REEP5: variants seen among roughly 807,000 people sequenced by gnomAD.
REEP5 encodes the protein receptor accessory protein 5.
A neutral mutation model predicts 22.4 loss-of-function variants in REEP5; 24 were observed. The observed-to-expected ratio is 1.07, with a 90% CI of 0.78 to 1.51. REEP5 has a LOEUF of 1.51. REEP5 is among the 40% of genes most tolerant of loss of function. The pLI is 0.00. For synonymous variants in REEP5, 103 were observed against 88.6 expected, an observed-to-expected ratio of 1.16 and a Z score of -0.92; for missense variants, 252 against 233.0, an observed-to-expected ratio of 1.08 and a Z score of -0.53.
At chr5:112,882,321 T>C (rs1205648156) in intron 4 of REEP5, among the ~76,000 whole-genome samples, 3 of 152,132 alleles carry the variant, frequency 2.0e-5, no homozygotes, top group East Asian at 1.9e-4. Context: ...TTTTTGCTCA[T>C]TGTAGATGAT....
chr5:112,921,326 C>A (rs73223930), intron 1 of REEP5, 70 bp from the exon 2 acceptor site: 1 of 1,422,850 alleles, frequency 7.0e-7, no homozygotes, highest in Non-Finnish European at 9.9e-7. Flanking sequence ...CCGCCGCCCA[C>A]ACCGCGAGGC....
intron 3 of REEP5, chr5:112,894,450 T>C (rs1768616337): frequency 6.6e-6 from 1 of 152,196 alleles, no homozygotes; most frequent in Non-Finnish European, 1.5e-5. Flanking sequence ...ATTCATACAA[T>C]GTTTTACTGT....
rs1393240908 is a variant in REEP5 at position 112,876,868 on chromosome 5, A to G, written c.*1918T>C. On this transcript the variant is annotated 3_prime_UTR_variant, in exon 5 of 5. Coordinates refer to ENST00000379638, the MANE Select transcript of REEP5 (RefSeq NM_005669.5). ...TCAGAATTTAATATAGTATTTTAAA[A>G]CTAATTTTAGCCTGTAAGTCATTAT... is the stretch of plus-strand genomic sequence containing the variant. 6.6e-6 allele frequency: 1 copy of G among 152,158 alleles called. No individual in the cohort carries two copies. Among genetic ancestry groups the G allele is most frequent in the Non-Finnish European group, 1.5e-5 (1 of 68,026 alleles). The allele number at this position is 152,158 out of a possible 1,614,324, so 9.4% of individuals were successfully genotyped here. A position where few individuals can be genotyped will look rare whatever the true frequency, so the allele number is the denominator to read the frequency against.
chr5:112,885,336 C>A, intron 4 of REEP5: 1 of 177,586 alleles, frequency 5.6e-6, no homozygotes, highest in Non-Finnish European at 1.2e-5. Context: ...TAGAACAGAA[C>A]CAAAAACTTT....
chr5:112,909,065 C>A (rs749996343), intron 2 of REEP5, among the ~76,000 whole-genome samples: 1 of 151,736 alleles, frequency 6.6e-6, no homozygotes, highest in Non-Finnish European at 1.5e-5. Context: ...ACTGATTACA[C>A]TGAACTATGG....
At position 112,877,229 on chromosome 5, in the gene REEP5, TTAATA is replaced by T. The variant is rs1767924816; in HGVS notation, c.*1552_*1556del. ...ATACTGTCACTTAGTATTGATATCTTTAATATTTTTTACATCATGAGACATTGTTA... is the reference window on the plus strand; with the variant it reads ...ATACTGTCACTTAGTATTGATATCTTTTTTTTACATCATGAGACATTGTTA... On this transcript the variant is annotated 3_prime_UTR_variant, in exon 5 of 5. Transcript: ENST00000379638. The T allele has an allele frequency of 6.6e-6, 1 of 152,188 alleles. No individual in the cohort carries two copies. The allele number at this position is 152,188 out of a possible 1,614,324, so 9.4% of individuals were successfully genotyped here.
chr5:112,878,845 T>A lies in REEP5; in HGVS notation c.521-10A>T, dbSNP rs1767976963. The A allele has an allele frequency of 1.2e-6, 2 of 1,613,942 alleles. No homozygotes were observed. The highest frequency in any genetic ancestry group is 1.7e-6 in the Non-Finnish European group (2 of 1,180,020). ...ACGGTAGCTTTCTTCGCTGTTTGTTTGTTAGGAGGGAAAGAAAAATATATC... is the reference window on the plus strand; with the variant it reads ...ACGGTAGCTTTCTTCGCTGTTTGTTAGTTAGGAGGGAAAGAAAAATATATC... On this transcript the variant is annotated splice_polypyrimidine_tract_variant and intron_variant, in intron 4 of 4. Transcript: ENST00000379638.
intron 3 of REEP5, among the ~76,000 whole-genome samples, chr5:112,888,905 G>A (rs1000346703): frequency 6.6e-6 from 1 of 150,802 alleles, no homozygotes; most frequent in African/African-American, 2.5e-5. Context: ...GGAAAGGACA[G>A]GGTGAGAGAT....
At chr5:112,903,647 AG>A (rs1768894287) in intron 2 of REEP5, among the ~76,000 whole-genome samples, 1 of 152,258 alleles carries the variant, frequency 6.6e-6, no homozygotes, top group South Asian at 2.1e-4. Context: ...AGAGACAGTC[AG>A]GCTGCTAAAT....
intron 2 of REEP5, among the ~76,000 whole-genome samples, chr5:112,908,801 C>T (rs966114209): frequency 1.3e-5 from 2 of 151,884 alleles, no homozygotes; most frequent in Admixed American, 1.3e-4. Flanking sequence ...GTGATCCGCC[C>T]ACCTCGGCCT....
chr5:112,885,412 C>G lies in REEP5; in HGVS notation c.520+1603G>C, dbSNP rs141348618. 78 of 189,746 alleles carry G rather than the reference C, an allele frequency of 4.1e-4. 1 individual carries two copies. Among genetic ancestry groups the G allele is most frequent in the African/African-American group, 1.8e-3 (76 of 42,132 alleles). The allele number at this position is 189,746 out of a possible 1,614,324, so 11.8% of individuals were successfully genotyped here. ...CGTAGTTGAGAACCATGAGTGAAGA[C>G]AGCACTTGGGGATGGATGCTCTGGT... On this transcript the variant is annotated intron_variant, in intron 4 of 4. Transcript: ENST00000379638.
intron 3 of REEP5, among the ~76,000 whole-genome samples, chr5:112,887,561 C>T (rs530638284): frequency 3.7e-4 from 56 of 152,182 alleles, no homozygotes; most frequent in African/African-American, 1.3e-3. Flanking sequence ...ACAGATAAGC[C>T]TAATATCTAG....
intron 2 of REEP5, among the ~76,000 whole-genome samples, chr5:112,903,517 G>C (rs1044480477): frequency 6.6e-6 from 1 of 152,142 alleles, no homozygotes; most frequent in African/African-American, 2.4e-5. Context: ...CGAAATCTCA[G>C]AAATTGCCAC....
Position 112,911,764 on chromosome 5 carries a change from C to A in REEP5, c.213-9246G>T, listed in dbSNP as rs532744355. On this transcript the variant is annotated intron_variant, in intron 2 of 4. Transcript: ENST00000379638. The stretch of plus-strand genomic sequence containing the variant: ...TACTCAATGCTTAGGAACATATACA[C>A]CATTGTACCAGTACAGAAGAAAACC... Among the ~76,000 whole-genome samples the A allele has an allele frequency of 2.3e-4, 35 of 152,214 alleles. 1 individual carries two copies. In the South Asian group the frequency reaches 6.0e-3, roughly 26 times the overall value.
At chr5:112,907,984 A>T (rs553306678) in intron 2 of REEP5, among the ~76,000 whole-genome samples, 1 of 152,310 alleles carries the variant, frequency 6.6e-6, no homozygotes, top group Admixed American at 6.5e-5. Flanking sequence ...CCTGAATAAC[A>T]GAATTTTACT....
At chr5:112,921,956 G>T in intron 1 of REEP5, 117 bp downstream of exon 1, 3 of 1,290,758 alleles carry the variant, frequency 2.3e-6, no homozygotes, top group Middle Eastern at 2.8e-4. Context: ...TATGCTGCTT[G>T]TCCCGTCTGT....
chr5:112,907,638 G>A (rs987186559), intron 2 of REEP5, among the ~76,000 whole-genome samples: 5 of 152,190 alleles, frequency 3.3e-5, no homozygotes, highest in African/African-American at 1.2e-4. Flanking sequence ...ACATCTCAGA[G>A]ATGAACTAGT....
rs773304586 is a variant in REEP5 at position 112,892,503 on chromosome 5, C to T, written c.352-5320G>A. 3.1e-6 allele frequency: 5 copies of T among 1,614,056 alleles called. No homozygotes were observed. In the Admixed American group the frequency reaches 5.0e-5, roughly 16 times the overall value. On this transcript the variant is annotated intron_variant, in intron 3 of 4. Transcript: ENST00000379638. ...AGTCGGAAGAAGAATGCCAAGCAGCCCTTTCTCTGTTTAACGGACGATGGT... is the reference window on the plus strand; with the variant it reads ...AGTCGGAAGAAGAATGCCAAGCAGCTCTTTCTCTGTTTAACGGACGATGGT...
At chr5:112,900,323 T>A (rs1283221327) in intron 3 of REEP5, among the ~76,000 whole-genome samples, 2 of 152,262 alleles carry the variant, frequency 1.3e-5, no homozygotes, top group African/African-American at 4.8e-5. Flanking sequence ...TATAGAAATT[T>A]AATTTTTAGA....
Sources: allele counts gnomAD v4.1 joint callset (sites outside exome capture counted in the v4.1 genomes callset), GRCh38; gene constraint gnomAD v4.1.1; transcripts MANE v1.5; gene names NCBI Gene and HGNC (gene_info 2026-07-23, HGNC 2026-07-21).